PLAGL1: variants seen among roughly 807,000 people sequenced by gnomAD.
PLAGL1 encodes the protein zinc finger protein PLAGL1.
PLAGL1 carries 1 observed loss-of-function variant against 4.6 expected under a neutral mutation model. That is an observed-to-expected ratio of 0.22 (90% CI 0.08 to 1.03). The LOEUF (loss-of-function observed/expected upper bound fraction) is 1.03, where lower values mean the gene tolerates loss of function less well. PLAGL1 is among the 50% of genes least tolerant of loss of function. PLAGL1 has a pLI of 0.58. For missense variants in PLAGL1, 464 were observed against 570.4 expected, an observed-to-expected ratio of 0.81 and a Z score of 1.90; for synonymous variants, 240 against 237.8, an observed-to-expected ratio of 1.01 and a Z score of -0.08.
rs1788106569 is a variant in PLAGL1 at position 143,982,184 on chromosome 6, A to T, written c.-544+2951T>A. Among the ~76,000 whole-genome samples the T allele has an allele frequency of 6.6e-6, 1 of 152,188 alleles. No individual in the cohort carries two copies. On this transcript the variant is annotated intron_variant, in intron 2 of 7. Transcript: ENST00000674357. The surrounding 1 kb of genome is among the most constrained non-coding windows in gnomAD (Gnocchi z 5.3). ...TTTTAAAAAAAAAAGTAATGAAGAG[A>T]CAGGAAGTGCTAAGAGATTTAGCAG...
At chr6:144,003,623 C>CAA (rs371417312) in intron 1 of PLAGL1, among the ~76,000 whole-genome samples, 8,399 of 117,838 alleles carry the variant, frequency 0.071, 349 homozygotes, top group Middle Eastern at 0.11. Context: ...GACTCCATCT[C>CAA]AAAAAAAAAA....
Position 143,948,796 on chromosome 6 carries a change from A to AACAAACG in PLAGL1, c.-324-337_-324-336insCGTTTGT, listed in dbSNP as rs1467756889. On this transcript the variant is annotated intron_variant, in intron 6 of 7. Coordinates refer to ENST00000674357, the MANE Select transcript of PLAGL1 (RefSeq NM_001317162.2). This position sits in a 1 kb window ranked among gnomAD's most constrained non-coding sequence, Gnocchi z 6.0. ...AACAACAACAACAACAACAACAAACAAAAACCTCCCTCCCTCAGTGTGTTC... is the reference window on the plus strand; with the variant it reads ...AACAACAACAACAACAACAACAAACAACAAACGAAAACCTCCCTCCCTCAGTGTGTTC... 0.014 allele frequency among the ~76,000 whole-genome samples: 2,067 copies of AACAAACG among 151,568 alleles called. 39 individuals carry two copies. Among genetic ancestry groups the AACAAACG allele is most frequent in the Middle Eastern group, 0.037 (11 of 294 alleles).
rs1352877333 is a variant in PLAGL1 at position 144,056,137 on chromosome 6, C to T, written c.-151+8331G>A. On this transcript the variant is annotated intron_variant, in intron 1 of 3. Coordinates refer to the PLAGL1 transcript ENST00000437412. The surrounding 1 kb of genome is among the most constrained non-coding windows in gnomAD (Gnocchi z 4.7). ...CTCCAAGGGATCAGTTTGAGAACCG[C>T]TGCTTTATATCTTTTAACACATTCG... Among the ~76,000 whole-genome samples the T allele has an allele frequency of 6.6e-6, 1 of 151,776 alleles. No individual in the cohort carries two copies. Among genetic ancestry groups the T allele is most frequent in the East Asian group, 1.9e-4 (1 of 5,182 alleles).
chr6:144,043,841 G>A (rs930207604), intron 1 of PLAGL1, among the ~76,000 whole-genome samples: 17 of 152,246 alleles, frequency 1.1e-4, no homozygotes, highest in African/African-American at 3.9e-4. Context: ...GTTAATTATT[G>A]CCTCAATTTC....
rs1217802649 is a variant in PLAGL1, at chr6:143,971,469, T to C, written c.-543-2491A>G. On this transcript the variant is annotated intron_variant, in intron 2 of 7. Coordinates refer to ENST00000674357, the MANE Select transcript of PLAGL1 (RefSeq NM_001317162.2). The surrounding 1 kb of genome is among the most constrained non-coding windows in gnomAD (Gnocchi z 4.7). ...CAACACTTTCTAAAAATTTCCATTA[T>C]GATTTTAAGATGTTATTTTCCCAAT... 3.3e-5 allele frequency among the ~76,000 whole-genome samples: 5 copies of C among 152,244 alleles called. No individual in the cohort carries two copies. The highest frequency in any genetic ancestry group is 3.3e-4 in the Admixed American group (5 of 15,282).
chr6:144,026,160 A>G (rs994729501), intron 1 of PLAGL1, among the ~76,000 whole-genome samples: 1 of 152,178 alleles, frequency 6.6e-6, no homozygotes, highest in African/African-American at 2.4e-5. Context: ...ATAATAAAAG[A>G]TTAGGTTGTT....
At chr6:143,981,263 T>A (rs1450383813) in intron 2 of PLAGL1, among the ~76,000 whole-genome samples, 4 of 56,424 alleles carry the variant, frequency 7.1e-5, no homozygotes, top group African/African-American at 2.7e-4. Context: ...GGGGGTGGGG[T>A]GGGGGGGACA....
In PLAGL1 at chr6:143,966,534, CA is replaced by C. The variant is rs937630658; in HGVS notation, c.-471-337del. 7 of 152,158 alleles carry C rather than the reference CA, an allele frequency of 4.6e-5. No homozygotes were observed. The highest frequency in any genetic ancestry group is 3.9e-4 in the Admixed American group (6 of 15,286). The allele number at this position is 152,158 out of a possible 1,614,324, so 9.4% of individuals were successfully genotyped here. On this transcript the variant is annotated intron_variant, in intron 3 of 7. Transcript: ENST00000674357. This position sits in a 1 kb window ranked among gnomAD's most constrained non-coding sequence, Gnocchi z 6.0. ...TTGAATATGTGGGGCAAATGAGAACCATTTTAGGGAAACAACATAAGATGAC... is the reference window on the plus strand; with the variant it reads ...TTGAATATGTGGGGCAAATGAGAACCTTTTAGGGAAACAACATAAGATGAC...
intron 1 of PLAGL1, chr6:144,007,877 G>C (rs1431534751): frequency 6.6e-6 from 1 of 152,164 alleles, no homozygotes; most frequent in Non-Finnish European, 1.5e-5. Flanking sequence ...CAGGGGGTCC[G>C]GCGGCACTCG....
rs933600136 is a variant in PLAGL1 at position 143,973,143 on chromosome 6, G to A, written c.-543-4165C>T. Among the ~76,000 whole-genome samples the A allele has an allele frequency of 1.3e-5, 2 of 152,090 alleles. No homozygotes were observed. The highest frequency in any genetic ancestry group is 4.8e-5 in the African/African-American group (2 of 41,408). ...TAAACAGAGGCAGTGAATTCCCCAC[G>A]GCTTCACAAAGCTAGTTAGGCAGAG... is the stretch of plus-strand genomic sequence containing the variant. On this transcript the variant is annotated intron_variant, in intron 2 of 7. Coordinates refer to ENST00000674357, the MANE Select transcript of PLAGL1 (RefSeq NM_001317162.2). The surrounding 1 kb of genome is among the most constrained non-coding windows in gnomAD (Gnocchi z 6.2).
rs548459701 is a variant in PLAGL1 at position 143,944,848 on chromosome 6, G to A, written c.153-2185C>T. Among the ~76,000 whole-genome samples the A allele has an allele frequency of 2.0e-3, 303 of 150,280 alleles. 1 individual carries two copies. The highest frequency in any genetic ancestry group is 7.0e-3 in the African/African-American group (284 of 40,716). ...TCCCATAGCTCTTGGGTCAGTTTGT[G>A]CCTCTCTCTTTTCTTTCATTATAGA... On this transcript the variant is annotated intron_variant, in intron 7 of 7. Transcript: ENST00000674357.
rs374289735 is a variant in PLAGL1, at chr6:144,044,961, T to G, written c.-151+19507A>C. Among the ~76,000 whole-genome samples the G allele has an allele frequency of 6.2e-4, 94 of 151,680 alleles. No individual in the cohort carries two copies. The East Asian group carries it at 0.015, about 25-fold the overall frequency. Reference sequence around the variant, plus strand: ...TTGTCTCTTTTGATCTTTGTTGGTTTAAAGTCTGTTTTATCAGAGACTAGG... The same window carrying G: ...TTGTCTCTTTTGATCTTTGTTGGTTGAAAGTCTGTTTTATCAGAGACTAGG... On this transcript the variant is annotated intron_variant, in intron 1 of 3. Transcript: ENST00000437412.
chr6:143,991,216 A>AT (rs1790404958), intron 1 of PLAGL1, among the ~76,000 whole-genome samples: 2 of 152,244 alleles, frequency 1.3e-5, no homozygotes, highest in South Asian at 4.1e-4. Flanking sequence ...ATGGAACTTT[A>AT]TGATGAGGAT....
Position 144,055,659 on chromosome 6 carries a change from G to T in PLAGL1, c.-151+8809C>A, listed in dbSNP as rs1349514791. Among the ~76,000 whole-genome samples the T allele has an allele frequency of 2.6e-5, 4 of 152,054 alleles. No individual in the cohort carries two copies. Among genetic ancestry groups the T allele is most frequent in the Non-Finnish European group, 5.9e-5 (4 of 68,026 alleles). On this transcript the variant is annotated intron_variant, in intron 1 of 3. Coordinates refer to the PLAGL1 transcript ENST00000437412. This position sits in a 1 kb window ranked among gnomAD's most constrained non-coding sequence, Gnocchi z 5.0. The stretch of plus-strand genomic sequence containing the variant: ...CACTTTCATCCTTAGCAAAGTTTTG[G>T]GTCTTAGTGAAGGGAAACATGTATG...
chr6:143,973,274 AT>A lies in PLAGL1; in HGVS notation c.-543-4297del, dbSNP rs1352463140. On this transcript the variant is annotated intron_variant, in intron 2 of 7. Coordinates refer to ENST00000674357, the MANE Select transcript of PLAGL1 (RefSeq NM_001317162.2). The surrounding 1 kb of genome is among the most constrained non-coding windows in gnomAD (Gnocchi z 6.2). ...ACCTCTCTTTCCCTCCATTGCTTTC[AT>A]TAGGCCCAGCCCAGACAAACAGCGA... 2.0e-5 allele frequency among the ~76,000 whole-genome samples: 3 copies of A among 152,204 alleles called. No homozygotes were observed. The highest frequency in any genetic ancestry group is 4.4e-5 in the Non-Finnish European group (3 of 68,032).
chr6:144,046,505 T>C (rs1798158891), intron 1 of PLAGL1, among the ~76,000 whole-genome samples: 1 of 152,204 alleles, frequency 6.6e-6, no homozygotes, highest in Non-Finnish European at 1.5e-5. Context: ...TGCCTGGGTG[T>C]CACCAGCAGA....
upstream of PLAGL1, among the ~76,000 whole-genome samples, chr6:144,008,979 G>A (rs1794913064): frequency 6.6e-6 from 1 of 152,124 alleles, no homozygotes; most frequent in Non-Finnish European, 1.5e-5. The surrounding 1 kb of genome is among the most constrained non-coding windows in gnomAD (Gnocchi z 6.9). Context: ...TGGAATTTAA[G>A]AAAAATAAAC....
At chr6:144,020,319 G>T (rs913264647) in intron 1 of PLAGL1, among the ~76,000 whole-genome samples, 1 of 151,382 alleles carries the variant, frequency 6.6e-6, no homozygotes, top group Non-Finnish European at 1.5e-5. Flanking sequence ...GGAGTCGCTC[G>T]CCCTGTTACC....
intron 1 of PLAGL1, among the ~76,000 whole-genome samples, chr6:144,018,829 A>G (rs959145655): frequency 2.6e-5 from 4 of 152,208 alleles, no homozygotes; most frequent in African/African-American, 7.2e-5. Context: ...AAGACGCACA[A>G]ATTAAATCTT....
Sources: gnomAD v4.1 joint callset for allele counts (sites outside exome capture counted in the v4.1 genomes callset) on GRCh38, gnomAD v4.1.1 for gene constraint, Gnocchi (gnomAD v3.1) non-coding constraint, MANE v1.5 for transcripts, NCBI Gene and HGNC (gene_info 2026-07-23, HGNC 2026-07-21) for gene names.